GART: variants seen among roughly 807,000 people sequenced by gnomAD.
The protein encoded by GART is trifunctional purine biosynthetic protein adenosine-3.
In GART, 43 loss-of-function variants were observed where a neutral mutation model predicts 107.2. The observed-to-expected ratio is 0.40, with a 90% CI of 0.31 to 0.52. The LOEUF is 0.52. Among genes scored for constraint, GART ranks in the 20% least tolerant of loss-of-function variants. The pLI is 0.52. For synonymous variants in GART, 434 were observed against 427.0 expected, an observed-to-expected ratio of 1.02 and a Z score of -0.20; for missense variants, 1,107 against 1,206.5, an observed-to-expected ratio of 0.92 and a Z score of 1.22.
Position 33,520,951 on chromosome 21 carries a change from A to T in GART, c.1458T>A (p.Asp486Glu), listed in dbSNP as rs2145714755. The T allele has an allele frequency of 1.9e-6, 3 of 1,614,044 alleles. No homozygotes were observed. Among genetic ancestry groups the T allele is most frequent in the Non-Finnish European group, 2.5e-6 (3 of 1,179,960 alleles). The change falls in exon 13 of 22, where the codon GAT (aspartate) becomes GAA (glutamate). Residue 486 changes from aspartate to glutamate, a missense_variant. Physicochemically the swap from Asp to Glu is conservative, Grantham distance 45 (BLOSUM62 2). Coordinates refer to ENST00000381815, the MANE Select transcript of GART (RefSeq NM_000819.5). Reference protein sequence around the residue: ...LFDLKAAGFKDPLLASGTDGV... With the variant: ...LFDLKAAGFKEPLLASGTDGV... ...CATCTGTTCCAGAGGCCAGAAGGGG[A>T]TCTTTGAAACCAGCTGCTTTTAAAT...
chr21:33,528,289 G>A lies in GART; in HGVS notation c.944C>T (p.Ser315Phe). The change falls in exon 10 of 22, where the codon TCC (serine) becomes TTC (phenylalanine). Residue 315 changes from serine (S) to phenylalanine (F), a missense_variant. Ser to Phe is a radical substitution (Grantham distance 155). Coordinates refer to ENST00000381815, the MANE Select transcript of GART (RefSeq NM_000819.5). ...TGTGCAGAGCAGTCCATCTAAGGTG[G>A]ACTGAATCACTTCATAAAGATCACT... The part of the protein sequence containing the change: ...LKSDLYEVIQ[S>F]TLDGLLCTSL... 1.2e-6 allele frequency: 2 copies of A among 1,614,068 alleles called. No individual in the cohort carries two copies. The highest frequency in any genetic ancestry group is 1.7e-6 in the Non-Finnish European group (2 of 1,179,994).
chr21:33,516,922 T>G, intron 16 of GART, 67 bp downstream of exon 16: 1 of 1,397,228 alleles, frequency 7.2e-7, no homozygotes, highest in Non-Finnish European at 9.8e-7. Flanking sequence ...CTACCCATAG[T>G]TTTCTCGCAC....
In GART at chr21:33,528,285, G is replaced by A. The variant is rs149566278; in HGVS notation, c.948C>T (p.Thr316=). ...GAGATGTGCAGAGCAGTCCATCTAA[G>A]GTGGACTGAATCACTTCATAAAGAT... ...KSDLYEVIQS[T]LDGLLCTSLP... The change falls in exon 10 of 22, where the codon ACC becomes ACT. Residue 316 remains threonine, a synonymous_variant. Coordinates refer to ENST00000381815, the MANE Select transcript of GART (RefSeq NM_000819.5). 2.2e-3 allele frequency: 3,513 copies of A among 1,614,092 alleles called. 5 individuals carry two copies. The highest frequency in any genetic ancestry group is 2.7e-3 in the Non-Finnish European group (3,225 of 1,179,996).
In GART at chr21:33,532,413, C is replaced by A. The variant is rs367704008; in HGVS notation, c.460G>T (p.Ala154Ser). 1.6e-5 allele frequency: 26 copies of A among 1,613,932 alleles called. No individual in the cohort carries two copies. In the African/African-American group the frequency reaches 2.7e-4, roughly 17 times the overall value. ...ALVVKASGLA[A>S]GKGVIVAKSK... Reference sequence around the variant, plus strand: ...TTTGCAACAATCACCCCTTTTCCAGCTGCAAGACCACTGGCCTTCACAACC... The same window carrying A: ...TTTGCAACAATCACCCCTTTTCCAGATGCAAGACCACTGGCCTTCACAACC... Residue 154 changes from alanine (A) to serine (S), a missense_variant, in exon 5 of 22, where the codon GCT becomes TCT. Ala to Ser is a moderately conservative substitution (Grantham distance 99, BLOSUM62 1). Transcript: ENST00000381815.
Position 33,511,316 on chromosome 21 carries a change from C to G in GART, c.2250G>C (p.Leu750=), listed in dbSNP as rs1245042595. The part of the protein sequence containing the change: ...VVSKEQTEQI[L]RDIQQHKEEA... ...CTTCCTTGTGCTGCTGGATATCCCT[C>G]AGAATCTGCTCTGTCTGCTCCTTTG... Residue 750 remains leucine (L), a synonymous_variant, in exon 17 of 22, where the codon CTG becomes CTC. Transcript: ENST00000381815. 1.2e-6 allele frequency: 2 copies of G among 1,614,190 alleles called. No individual in the cohort carries two copies. Among genetic ancestry groups the G allele is most frequent in the Non-Finnish European group, 1.7e-6 (2 of 1,180,036 alleles).
intron 14 of GART, chr21:33,519,210 A>G (rs944306389): frequency 6.2e-6 from 1 of 160,588 alleles, no homozygotes; most frequent in Admixed American, 6.4e-5. Context: ...AGATGCACAC[A>G]TGTGCAGATG....
At chr21:33,512,954 C>T (rs949203988) in intron 16 of GART, among the ~76,000 whole-genome samples, 45 of 149,556 alleles carry the variant, frequency 3.0e-4, no homozygotes, top group Admixed American at 3.3e-4. Flanking sequence ...ATCTCTCTGT[C>T]GTTTAGGCTG....
chr21:33,533,679 C>A (rs747562385), intron 4 of GART, among the ~76,000 whole-genome samples: 1 of 151,940 alleles, frequency 6.6e-6, no homozygotes, highest in Non-Finnish European at 1.5e-5. Flanking sequence ...CAGAGAGAGG[C>A]GGATCTCTTG....
chr21:33,530,742 G>C lies in GART; in HGVS notation c.723+17C>G, dbSNP rs749319676. 1.4e-6 allele frequency: 2 copies of C among 1,420,060 alleles called. No homozygotes were observed. Among genetic ancestry groups the C allele is most frequent in the East Asian group, 2.7e-5 (1 of 36,462 alleles). 88.0% of individuals were successfully genotyped at this position (1,420,060 alleles called of 1,614,324 possible). A position where few individuals can be genotyped will look rare whatever the true frequency, so the allele number is the denominator to read the frequency against. On this transcript the variant is annotated intron_variant, in intron 7 of 21. Coordinates refer to ENST00000381815, the MANE Select transcript of GART (RefSeq NM_000819.5). Reference sequence around the variant, plus strand: ...ACCAAACTACTACAAGACTTCAGCAGAGTCTTCGGGAAGTACCTGAGGGGC... The same window carrying C: ...ACCAAACTACTACAAGACTTCAGCACAGTCTTCGGGAAGTACCTGAGGGGC...
At chr21:33,531,212 T>C in intron 6 of GART, 2 of 418,866 alleles carry the variant, frequency 4.8e-6, no homozygotes, top group Non-Finnish European at 8.3e-6. Context: ...TGCAATAAAC[T>C]GTATATGAAA....
At chr21:33,531,335 A>G in intron 6 of GART, 154 bp downstream of exon 6, 1 of 690,712 alleles carries the variant, frequency 1.4e-6, no homozygotes, top group Non-Finnish European at 2.5e-6. Context: ...TTTCATTTGC[A>G]CCCCCAACAA....
chr21:33,510,147 A>AT, intron 17 of GART: 1 of 488,680 alleles, frequency 2.0e-6, no homozygotes, highest in Non-Finnish European at 3.7e-6. Flanking sequence ...TGCAGATCAC[A>AT]TCACTATCTT....
Position 33,542,050 on chromosome 21 carries a change from A to T in GART, c.-42+15T>A, listed in dbSNP as rs1300520059. On this transcript the variant is annotated intron_variant, in intron 1 of 21. Transcript: ENST00000381815. Reference sequence around the variant, plus strand: ...CTAAGCGCGCTCCGTGTAAAAGCGGAGGGGGTTTACGCACCGACACCGGGT... The same window carrying T: ...CTAAGCGCGCTCCGTGTAAAAGCGGTGGGGGTTTACGCACCGACACCGGGT... The T allele has an allele frequency of 6.6e-6, 1 of 152,158 alleles. No individual in the cohort carries two copies. Among genetic ancestry groups the T allele is most frequent in the African/African-American group, 2.4e-5 (1 of 41,432 alleles). The allele number at this position is 152,158 out of a possible 1,614,324, so 9.4% of individuals were successfully genotyped here. A position where few individuals can be genotyped will look rare whatever the true frequency, so the allele number is the denominator to read the frequency against.
At chr21:33,524,077 G>A (rs2085022683) in intron 11 of GART, 1 of 984,692 alleles carries the variant, frequency 1.0e-6, no homozygotes, top group Non-Finnish European at 1.2e-6. Context: ...ATCAGTAAGA[G>A]GTCAAAAAAT....
At chr21:33,531,132 AG>A (rs2085180237) in intron 6 of GART, 2 of 390,896 alleles carry the variant, frequency 5.1e-6, no homozygotes, top group South Asian at 1.4e-4. Context: ...TCAAAGTAAA[AG>A]ATTTCAACCT....
chr21:33,510,930 C>T (rs1277433671), intron 17 of GART, among the ~76,000 whole-genome samples: 1 of 152,180 alleles, frequency 6.6e-6, no homozygotes, highest in Admixed American at 6.5e-5. Flanking sequence ...TGATACAGTA[C>T]TTGTCAGGGT....
rs534251464 is a variant in GART, at chr21:33,538,582, C to T, written c.145+589G>A. On this transcript the variant is annotated intron_variant, in intron 2 of 21. Transcript: ENST00000381815. ...TAAACTTTCCATTTACAAAAATACA[C>T]AACAAAATGCCTTTAATCTGTATTA... is the stretch of plus-strand genomic sequence containing the variant. 2.3e-4 allele frequency among the ~76,000 whole-genome samples: 35 copies of T among 152,238 alleles called. No homozygotes were observed. In the South Asian group the frequency reaches 3.7e-3, roughly 16 times the overall value.
At chr21:33,514,208 T>C (rs570721942) in intron 16 of GART, among the ~76,000 whole-genome samples, 1 of 152,036 alleles carries the variant, frequency 6.6e-6, no homozygotes, top group East Asian at 1.9e-4. Flanking sequence ...GTTGGGGCAA[T>C]AGTGAGCTGT....
At chr21:33,533,407 T>A (rs1421584260) in intron 4 of GART, among the ~76,000 whole-genome samples, 3 of 145,402 alleles carry the variant, frequency 2.1e-5, no homozygotes, top group Non-Finnish European at 4.5e-5. Context: ...ATAGCGCCAC[T>A]GCAGTCCGGC....
Sources: allele counts gnomAD v4.1 joint callset (sites outside exome capture counted in the v4.1 genomes callset), GRCh38; gene constraint gnomAD v4.1.1; transcripts MANE v1.5; gene names NCBI Gene and HGNC (gene_info 2026-07-23, HGNC 2026-07-21).